CCDC102B: variants seen among roughly 807,000 people sequenced by gnomAD.
CCDC102B encodes coiled-coil domain containing 102B, also known as coiled-coil domain-containing protein 102B.
Under a neutral mutation model 57.4 loss-of-function variants are expected in CCDC102B, and 75 were observed. That is an observed-to-expected ratio of 1.31 (90% confidence interval 1.08 to 1.58). CCDC102B has a LOEUF of 1.58. Among genes scored for constraint, CCDC102B ranks in the 40% most tolerant of loss-of-function variants. The pLI is 0.00. For synonymous variants in CCDC102B, 206 were observed against 201.9 expected, an observed-to-expected ratio of 1.02 and a Z score of -0.17; for missense variants, 636 against 582.6, an observed-to-expected ratio of 1.09 and a Z score of -0.94.
At chr18:68,736,535 A>G (rs527832093) in intron 2 of CCDC102B, among the ~76,000 whole-genome samples, 1 of 152,214 alleles carries the variant, frequency 6.6e-6, no homozygotes, top group African/African-American at 2.4e-5. Flanking sequence ...TGAGATAAGC[A>G]TATGGTTCTT....
chr18:68,767,203 T>C (rs1486643263), intron 2 of CCDC102B, among the ~76,000 whole-genome samples: 3 of 152,226 alleles, frequency 2.0e-5, no homozygotes, highest in African/African-American at 7.2e-5. Context: ...CTTGTAGTGT[T>C]ATGGACTGAA....
rs181496723 is a variant in CCDC102B, at chr18:68,989,552, G to T, written c.1264-21382G>T. On this transcript the variant is annotated intron_variant, in intron 6 of 7. Transcript: ENST00000360242. ...CTGGATGTTAACAATGGTCCAGTAT[G>T]CCAGTGCTTAGGAAATCCCGTCCCA... 1.9e-3 allele frequency among the ~76,000 whole-genome samples: 296 copies of T among 152,308 alleles called. 3 individuals are homozygous for T. The highest frequency in any genetic ancestry group is 1.5e-3 in the Non-Finnish European group (105 of 68,032).
chr18:68,934,395 G>T (rs1193284165), intron 6 of CCDC102B, among the ~76,000 whole-genome samples: 1 of 151,866 alleles, frequency 6.6e-6, no homozygotes, highest in Non-Finnish European at 1.5e-5. Context: ...TTTTTCAAAA[G>T]TAACTTTCTA....
Position 68,857,170 on chromosome 18 carries a change from A to ATT in CCDC102B, c.936+10749_936+10750insTT, listed in dbSNP as rs1327671098. Among the ~76,000 whole-genome samples, 133 of 38,612 alleles carry ATT rather than the reference A, an allele frequency of 3.4e-3. 8 individuals carry two copies. Among genetic ancestry groups the ATT allele is most frequent in the African/African-American group, 4.8e-3 (35 of 7,228 alleles). 25.3% of individuals were successfully genotyped at this position (38,612 alleles called of 152,430 possible). A position where few individuals can be genotyped will look rare whatever the true frequency, so the allele number is the denominator to read the frequency against. Reference sequence around the variant, plus strand: ...TAAATATATTTATATATTTTTATATAATATATAAAAATATATTTATATATT... The same window carrying ATT: ...TAAATATATTTATATATTTTTATATATTATATATAAAAATATATTTATATATT... On this transcript the variant is annotated intron_variant, in intron 4 of 7. Transcript: ENST00000360242.
chr18:68,732,598 C>T (rs1253682298), intron 2 of CCDC102B, among the ~76,000 whole-genome samples: 1 of 152,090 alleles, frequency 6.6e-6, no homozygotes, highest in Non-Finnish European at 1.5e-5. Flanking sequence ...CTGCCTGCCT[C>T]AGCCTCCCAA....
intron 6 of CCDC102B, among the ~76,000 whole-genome samples, chr18:68,963,539 C>A (rs2050096042): frequency 6.6e-6 from 1 of 151,726 alleles, no homozygotes; most frequent in Admixed American, 6.6e-5. Context: ...CAGTATATTC[C>A]CCATCCATCA....
chr18:68,759,969 G>C (rs1011657644), intron 2 of CCDC102B, among the ~76,000 whole-genome samples: 5 of 151,906 alleles, frequency 3.3e-5, no homozygotes, highest in African/African-American at 1.2e-4. Context: ...TCACTGCAGG[G>C]GTATAAAGGC....
intron 6 of CCDC102B, among the ~76,000 whole-genome samples, chr18:69,000,218 C>G (rs560549245): frequency 2.0e-5 from 3 of 151,900 alleles, no homozygotes; most frequent in African/African-American, 7.3e-5. Context: ...TATGAACATG[C>G]TATTATGTGT....
At chr18:68,983,505 T>A (rs1340964566) in intron 6 of CCDC102B, among the ~76,000 whole-genome samples, 1 of 152,000 alleles carries the variant, frequency 6.6e-6, no homozygotes, top group Non-Finnish European at 1.5e-5. Context: ...GTTTTCAGAG[T>A]TCACTATTTT....
At chr18:68,992,992 G>T in intron 6 of CCDC102B, 1 of 159,852 alleles carries the variant, frequency 6.3e-6, no homozygotes, top group South Asian at 1.6e-4. Flanking sequence ...ATCCGCTTCT[G>T]AGCAAACTCG....
chr18:69,027,061 G>T (rs2052012817), intron 7 of CCDC102B, among the ~76,000 whole-genome samples: 1 of 152,128 alleles, frequency 6.6e-6, no homozygotes, highest in Non-Finnish European at 1.5e-5. Flanking sequence ...CACTTCTAGT[G>T]CTATTATTTA....
intron 4 of CCDC102B, among the ~76,000 whole-genome samples, chr18:68,846,848 T>C (rs1231549529): frequency 2.0e-5 from 3 of 151,812 alleles, no homozygotes; most frequent in African/African-American, 7.2e-5. Flanking sequence ...TCTTATTCTT[T>C]CATGAAGCAG....
At chr18:68,878,868 TCTCA>T (rs2039559966) in intron 5 of CCDC102B, among the ~76,000 whole-genome samples, 1 of 152,208 alleles carries the variant, frequency 6.6e-6, no homozygotes, top group Non-Finnish European at 1.5e-5. Flanking sequence ...GGGTTCTTGG[TCTCA>T]CTGACTTCAA....
At chr18:68,765,343 AAG>A (rs1398497813) in intron 2 of CCDC102B, among the ~76,000 whole-genome samples, 1 of 141,942 alleles carries the variant, frequency 7.0e-6, no homozygotes, top group Non-Finnish European at 1.5e-5. Flanking sequence ...GAAAGAAAGA[AAG>A]AAAGAAAGAA....
chr18:68,828,273 C>G (rs1330277481), intron 1 of CCDC102B, among the ~76,000 whole-genome samples: 1 of 119,772 alleles, frequency 8.3e-6, no homozygotes, highest in African/African-American at 3.2e-5. Context: ...GCAGAATATA[C>G]ATATTTTCAA....
intron 6 of CCDC102B, among the ~76,000 whole-genome samples, chr18:69,005,733 A>G: frequency 6.6e-6 from 1 of 151,576 alleles, no homozygotes; most frequent in East Asian, 1.9e-4. Flanking sequence ...AAAGCATTCC[A>G]TCAAATATTT....
chr18:68,748,979 C>T (rs1378768471), intron 2 of CCDC102B, among the ~76,000 whole-genome samples: 1 of 152,182 alleles, frequency 6.6e-6, no homozygotes, highest in Non-Finnish European at 1.5e-5. Flanking sequence ...GATCCAGTTT[C>T]AGCTTTCTAC....
At chr18:68,836,642 AT>A in intron 1 of CCDC102B, 106 bp from the exon 2 acceptor site, 2 of 703,464 alleles carry the variant, frequency 2.8e-6, no homozygotes, top group Non-Finnish European at 4.3e-6. Flanking sequence ...AAAAAAAAGC[AT>A]TGTTTTCATC....
At chr18:68,977,680 T>C (rs1312911224) in intron 6 of CCDC102B, among the ~76,000 whole-genome samples, 1 of 152,002 alleles carries the variant, frequency 6.6e-6, no homozygotes, top group African/African-American at 2.4e-5. Flanking sequence ...CTGTAGAGAC[T>C]GTCTATGAGT....
Sources: gnomAD v4.1 joint callset for allele counts (sites outside exome capture counted in the v4.1 genomes callset) on GRCh38, gnomAD v4.1.1 for gene constraint, MANE v1.5 for transcripts, NCBI Gene and HGNC (gene_info 2026-07-23, HGNC 2026-07-21) for gene names.